The following STXBP4 variants were observed in gnomAD, a reference collection of about 807,000 sequenced individuals.
STXBP4 encodes the protein syntaxin-binding protein 4.
Under a neutral mutation model 76.1 loss-of-function variants are expected in STXBP4, and 55 were observed. The ratio of observed to expected loss-of-function variants is 0.72; its 90% CI spans 0.58 to 0.91. The LOEUF (loss-of-function observed/expected upper bound fraction) is 0.91, where lower values mean the gene tolerates loss of function less well. Among genes scored for constraint, STXBP4 ranks in the 40% least tolerant of loss-of-function variants. The pLI, the probability that STXBP4 is intolerant of heterozygous loss-of-function variation, is 0.00. For missense variants in STXBP4, 618 were observed against 636.9 expected, an observed-to-expected ratio of 0.97 and a Z score of 0.32; for synonymous variants, 201 against 220.2, an observed-to-expected ratio of 0.91 and a Z score of 0.77.
At chr17:55,010,153 T>G (rs1488907772) in intron 8 of STXBP4, among the ~76,000 whole-genome samples, 1 of 152,058 alleles carries the variant, frequency 6.6e-6, no homozygotes, top group African/African-American at 2.4e-5. Context: ...GTTTACTAAT[T>G]ATGAATTTAT....
At chr17:54,979,204 T>C in intron 1 of STXBP4, among the ~76,000 whole-genome samples, 1 of 152,214 alleles carries the variant, frequency 6.6e-6, no homozygotes, top group South Asian at 2.1e-4. Context: ...GTTTTTGTTC[T>C]CTCACTTTTT....
chr17:55,020,277 A>G (rs1004699273), intron 8 of STXBP4, among the ~76,000 whole-genome samples: 5 of 152,102 alleles, frequency 3.3e-5, no homozygotes, highest in South Asian at 2.1e-4. Flanking sequence ...ACTCTCTTCA[A>G]CCATCTGCTA....
At chr17:55,026,858 G>A (rs2078425454) in intron 8 of STXBP4, among the ~76,000 whole-genome samples, 2 of 152,180 alleles carry the variant, frequency 1.3e-5, no homozygotes, top group Non-Finnish European at 2.9e-5. Context: ...CAAATGGGAA[G>A]TATGCTGCGG....
chr17:55,070,499 A>G (rs548610263), intron 12 of STXBP4, among the ~76,000 whole-genome samples: 2 of 152,326 alleles, frequency 1.3e-5, no homozygotes, highest in Non-Finnish European at 2.9e-5. Context: ...AATTACTTTT[A>G]GATACAAGGA....
chr17:55,067,664 A>G (rs995703425), intron 12 of STXBP4, among the ~76,000 whole-genome samples: 19 of 152,186 alleles, frequency 1.2e-4, no homozygotes, highest in African/African-American at 4.6e-4. Flanking sequence ...TACTTCATCA[A>G]TATTTTGAGG....
intron 17 of STXBP4, among the ~76,000 whole-genome samples, chr17:55,155,606 C>G (rs1231923623): frequency 1.3e-5 from 2 of 150,564 alleles, no homozygotes; most frequent in Non-Finnish European, 3.0e-5. Context: ...TATGCAAATT[C>G]ACAATGATGT....
At chr17:55,098,623 G>A (rs2079524733) in intron 16 of STXBP4, among the ~76,000 whole-genome samples, 1 of 152,158 alleles carries the variant, frequency 6.6e-6, no homozygotes, top group Non-Finnish European at 1.5e-5. Context: ...TGCCTGATGT[G>A]TTTGAGAAAA....
chr17:55,205,169 T>C, the STXBP4 span, among the ~76,000 whole-genome samples: 1 of 152,082 alleles, frequency 6.6e-6, no homozygotes, highest in Non-Finnish European at 1.5e-5. Context: ...GAATTTGTCT[T>C]TATATTATAA....
Position 55,034,305 on chromosome 17 carries a change from G to A in STXBP4, c.855+46G>A, listed in dbSNP as rs771333426. 5.1e-6 allele frequency: 7 copies of A among 1,363,690 alleles called. No individual in the cohort carries two copies. In the African/African-American group the frequency reaches 1.0e-4, roughly 19 times the overall value. The allele number at this position is 1,363,690 out of a possible 1,614,324, so 84.5% of individuals were successfully genotyped here. On this transcript the variant is annotated intron_variant, in intron 10 of 17. Coordinates refer to ENST00000376352, the MANE Select transcript of STXBP4 (RefSeq NM_178509.6). ...TTGCTTTGACATGTATAAGTCACAAGTCTTGAATGTTATATGTCATATGTG... is the reference window on the plus strand; with the variant it reads ...TTGCTTTGACATGTATAAGTCACAAATCTTGAATGTTATATGTCATATGTG...
chr17:55,200,427 C>A, the STXBP4 span, among the ~76,000 whole-genome samples: 2 of 152,186 alleles, frequency 1.3e-5, no homozygotes, highest in Non-Finnish European at 2.9e-5. Flanking sequence ...GGAATTAAAT[C>A]CCAGAATAAT....
At chr17:55,136,899 A>G (rs2080034785) in intron 16 of STXBP4, among the ~76,000 whole-genome samples, 1 of 152,094 alleles carries the variant, frequency 6.6e-6, no homozygotes, top group Admixed American at 6.6e-5. Context: ...AAATACTCTA[A>G]AATCACCAGA....
intron 1 of STXBP4, among the ~76,000 whole-genome samples, chr17:54,981,343 C>T (rs1426521446): frequency 2.6e-5 from 4 of 151,324 alleles, no homozygotes; most frequent in African/African-American, 9.7e-5. Context: ...TATGATAGTG[C>T]CTCTGTAATT....
At position 55,047,185 on chromosome 17, in the gene STXBP4, C is replaced by CGTGTGTGTGTGTGTGT. The variant is rs34336794; in HGVS notation, c.1011+49_1011+64dup. 3.9e-4 allele frequency: 315 copies of CGTGTGTGTGTGTGTGT among 808,052 alleles called. 2 individuals are homozygous for CGTGTGTGTGTGTGTGT. The African/African-American group carries it at 4.4e-3, about 11-fold the overall frequency. 50.1% of individuals were successfully genotyped at this position (808,052 alleles called of 1,614,324 possible). On this transcript the variant is annotated intron_variant, in intron 12 of 17. Coordinates refer to ENST00000376352, the MANE Select transcript of STXBP4 (RefSeq NM_178509.6). Reference sequence around the variant, plus strand: ...TATATGTATTGTGTATATATGTGCTCGTGTGTGTGTGTGTGTGTGTGTGTG... The same window carrying CGTGTGTGTGTGTGTGT: ...TATATGTATTGTGTATATATGTGCTCGTGTGTGTGTGTGTGTGTGTGTGTGTGTGTGTGTGTGTGTG...
intron 12 of STXBP4, among the ~76,000 whole-genome samples, chr17:55,069,153 C>CAAAA (rs991465831): frequency 2.6e-5 from 2 of 75,806 alleles, no homozygotes; most frequent in Non-Finnish European, 6.2e-5. Flanking sequence ...TCAGTGTTGC[C>CAAAA]AAAAAAAAAA....
At chr17:55,081,980 C>T (rs2079261216) in intron 16 of STXBP4, among the ~76,000 whole-genome samples, 1 of 152,096 alleles carries the variant, frequency 6.6e-6, no homozygotes, top group Non-Finnish European at 1.5e-5. Context: ...ATTTCAACTC[C>T]CTTTTTCTAA....
rs370705493 is a variant in STXBP4 at position 55,105,706 on chromosome 17, C to T, written c.1489+24523C>T. 1.5e-3 allele frequency among the ~76,000 whole-genome samples: 229 copies of T among 151,882 alleles called. 7 individuals carry two copies. The South Asian group carries it at 0.044, about 29-fold the overall frequency. On this transcript the variant is annotated intron_variant, in intron 16 of 17. Coordinates refer to ENST00000376352, the MANE Select transcript of STXBP4 (RefSeq NM_178509.6). ...TGTTAGCCCGGATGATCTCGATCTC[C>T]GGACCCCGTTACCCACCAGCCTTGG... is the stretch of plus-strand genomic sequence containing the variant.
intron 16 of STXBP4, among the ~76,000 whole-genome samples, chr17:55,117,723 T>C (rs1057410971): frequency 6.6e-6 from 1 of 151,944 alleles, no homozygotes; most frequent in African/African-American, 2.4e-5. Flanking sequence ...AACAACTGAA[T>C]GATGGACAGA....
intron 7 of STXBP4, among the ~76,000 whole-genome samples, chr17:55,007,111 G>A (rs749933185): frequency 2.2e-4 from 33 of 152,068 alleles, no homozygotes; most frequent in Non-Finnish European, 1.2e-4. Flanking sequence ...GCTGAGGCAG[G>A]CAGATCACCT....
intron 8 of STXBP4, among the ~76,000 whole-genome samples, chr17:55,022,806 A>C (rs1446096769): frequency 6.6e-6 from 1 of 152,208 alleles, no homozygotes; most frequent in Non-Finnish European, 1.5e-5. Flanking sequence ...TCCTGGCATC[A>C]TGTGATCAAG....
Sources: gnomAD v4.1 joint callset for allele counts (sites outside exome capture counted in the v4.1 genomes callset) on GRCh38, gnomAD v4.1.1 for gene constraint, MANE v1.5 for transcripts, NCBI Gene and HGNC (gene_info 2026-07-23, HGNC 2026-07-21) for gene names.